The following SEMA3C variants were observed in gnomAD, a reference collection of about 807,000 sequenced individuals.
The protein encoded by SEMA3C is semaphorin-3C.
A neutral mutation model predicts 89.4 loss-of-function variants in SEMA3C; 47 were observed. That is an observed-to-expected ratio of 0.53 (90% confidence interval 0.42 to 0.67). SEMA3C has a LOEUF of 0.67. SEMA3C is among the 30% of genes least tolerant of loss of function. The probability of loss-of-function intolerance (pLI) is 0.00; values close to 1 mark genes in which losing one functional copy is unlikely to be tolerated. For missense variants in SEMA3C, 839 were observed against 929.1 expected, an observed-to-expected ratio of 0.90 and a Z score of 1.26; for synonymous variants, 310 against 320.2, an observed-to-expected ratio of 0.97 and a Z score of 0.34.
intron 2 of SEMA3C, among the ~76,000 whole-genome samples, chr7:80,873,668 C>T (rs890053688): frequency 8.5e-5 from 13 of 152,210 alleles, no homozygotes; most frequent in Non-Finnish European, 1.5e-4. Context: ...TCACTATCCT[C>T]ACTGCACAAA....
chr7:80,803,117 T>C (rs1789248648), intron 8 of SEMA3C, among the ~76,000 whole-genome samples: 1 of 152,322 alleles, frequency 6.6e-6, no homozygotes, highest in African/African-American at 2.4e-5. Context: ...TGATAATTTA[T>C]TGTCTTCAAT....
chr7:80,798,317 A>G, intron 10 of SEMA3C, 81 bp from the exon 11 acceptor site: 1 of 1,181,492 alleles, frequency 8.5e-7, no homozygotes, highest in African/African-American at 1.6e-5. Flanking sequence ...AAAATTTATG[A>G]TAAAAAGTTA....
chr7:80,866,471 A>G (rs546973879), intron 2 of SEMA3C, among the ~76,000 whole-genome samples: 16 of 152,320 alleles, frequency 1.1e-4, no homozygotes, highest in Non-Finnish European at 1.9e-4. Flanking sequence ...GCTCAGCAGC[A>G]TAAGACAGGG....
rs558449922 is a variant in SEMA3C, at chr7:80,809,529, A to C, written c.538+1082T>G. On this transcript the variant is annotated intron_variant, in intron 6 of 17. Transcript: ENST00000265361. ...TTTCCCAAAATAGCTGTACTAATTT[A>C]CATTCCCACCAACAATGTACACAAT... is the stretch of plus-strand genomic sequence containing the variant. Among the ~76,000 whole-genome samples the C allele has an allele frequency of 5.3e-5, 8 of 152,286 alleles. No individual in the cohort carries two copies. In the South Asian group the frequency reaches 1.4e-3, roughly 28 times the overall value.
chr7:80,747,977 C>T (rs1435402122), intron 17 of SEMA3C, among the ~76,000 whole-genome samples: 1 of 152,086 alleles, frequency 6.6e-6, no homozygotes, highest in African/African-American at 2.4e-5. Context: ...AACACTGATG[C>T]AGTATCTGTG....
At chr7:80,764,798 G>T (rs1234507591) in intron 13 of SEMA3C, among the ~76,000 whole-genome samples, 1 of 152,128 alleles carries the variant, frequency 6.6e-6, no homozygotes, top group Non-Finnish European at 1.5e-5. Flanking sequence ...AAGTATTTGG[G>T]TTTCAGTGGC....
intron 3 of SEMA3C, 36 bp from the exon 4 acceptor site, chr7:80,827,523 AC>A: frequency 4.5e-6 from 7 of 1,569,012 alleles, no homozygotes; most frequent in Non-Finnish European, 6.1e-6. Context: ...GCATAATCTC[AC>A]CTGGACATAT....
chr7:80,754,453 A>G (rs535847915), intron 15 of SEMA3C, among the ~76,000 whole-genome samples: 1 of 152,320 alleles, frequency 6.6e-6, no homozygotes, highest in Admixed American at 6.5e-5. Flanking sequence ...AACTAGGTAA[A>G]TTAACACTAC....
Position 80,748,994 on chromosome 7 carries a change from T to G in SEMA3C, c.1746A>C (p.Gly582=), listed in dbSNP as rs1787863472. 6.2e-7 allele frequency: 1 copy of G among 1,611,792 alleles called. No individual in the cohort carries two copies. The highest frequency in any genetic ancestry group is 2.2e-5 in the East Asian group (1 of 44,844). The change falls in exon 17 of 18, where the codon GGA becomes GGC. Residue 582 remains glycine (G), a synonymous_variant. Coordinates refer to ENST00000265361, the MANE Select transcript of SEMA3C (RefSeq NM_006379.5). ...YRNAAEIVQY[G]VKNNTTFLEC... ...CCAGAAAAGTGGTGTTATTTTTTAC[T>G]CCATACTGGACAATTTCAGCTGCAT...
At chr7:80,811,215 T>G (rs1789461846) in intron 5 of SEMA3C, among the ~76,000 whole-genome samples, 1 of 152,210 alleles carries the variant, frequency 6.6e-6, no homozygotes, top group Admixed American at 6.5e-5. Flanking sequence ...CTCATGACTT[T>G]ATTTAACAAA....
intron 2 of SEMA3C, among the ~76,000 whole-genome samples, chr7:80,871,165 G>A (rs1049141431): frequency 6.6e-6 from 1 of 152,144 alleles, no homozygotes; most frequent in African/African-American, 2.4e-5. Context: ...AGAAATGCAC[G>A]AAGGTTTCAA....
At chr7:80,801,745 G>A (rs1050992974) in intron 9 of SEMA3C, among the ~76,000 whole-genome samples, 1 of 151,342 alleles carries the variant, frequency 6.6e-6, no homozygotes, top group African/African-American at 2.4e-5. Context: ...AAAAAAGAAA[G>A]ACTGAAACAT....
intron 4 of SEMA3C, among the ~76,000 whole-genome samples, chr7:80,819,014 AT>A: frequency 6.6e-6 from 1 of 152,142 alleles, no homozygotes; most frequent in African/African-American, 2.4e-5. Context: ...AAACACAAAA[AT>A]CTCTACCCTT....
At chr7:80,777,420 T>C (rs1457187549) in intron 12 of SEMA3C, among the ~76,000 whole-genome samples, 1 of 152,080 alleles carries the variant, frequency 6.6e-6, no homozygotes, top group Non-Finnish European at 1.5e-5. Context: ...GCCTCCTGAG[T>C]AGCTGGAATT....
chr7:80,831,099 C>T (rs1312156651), intron 2 of SEMA3C, among the ~76,000 whole-genome samples: 1 of 152,154 alleles, frequency 6.6e-6, no homozygotes, highest in Admixed American at 6.6e-5. Context: ...TAAGATATTG[C>T]TTGGGCTGCT....
intron 2 of SEMA3C, among the ~76,000 whole-genome samples, chr7:80,862,071 T>C (rs576361061): frequency 1.3e-5 from 2 of 152,158 alleles, no homozygotes; most frequent in African/African-American, 2.4e-5. Flanking sequence ...CTCTTCAACA[T>C]AGTACTGGAA....
intron 2 of SEMA3C, among the ~76,000 whole-genome samples, chr7:80,885,590 G>A (rs1040016625): frequency 3.9e-5 from 6 of 152,146 alleles, no homozygotes; most frequent in African/African-American, 1.2e-4. Context: ...GCACTTCAGC[G>A]TGAGCAACAC....
At chr7:80,791,327 T>A (rs1395266710) in intron 11 of SEMA3C, among the ~76,000 whole-genome samples, 2 of 152,316 alleles carry the variant, frequency 1.3e-5, no homozygotes, top group Admixed American at 6.5e-5. Flanking sequence ...AATATTTTAA[T>A]ACATACAAAC....
intron 2 of SEMA3C, among the ~76,000 whole-genome samples, chr7:80,902,971 C>A (rs917166067): frequency 3.5e-4 from 53 of 152,208 alleles, no homozygotes; most frequent in African/African-American, 1.3e-3. Flanking sequence ...CGCTGAATTA[C>A]TGGCACCTTA....
Sources: gnomAD v4.1 joint callset for allele counts (sites outside exome capture counted in the v4.1 genomes callset) on GRCh38, gnomAD v4.1.1 for gene constraint, MANE v1.5 for transcripts, NCBI Gene and HGNC (gene_info 2026-07-23, HGNC 2026-07-21) for gene names.